The following C12orf42 variants were observed in gnomAD, a reference collection of about 807,000 sequenced individuals.
The protein encoded by C12orf42 is uncharacterized protein C12orf42.
In C12orf42, 25 loss-of-function variants were observed where a neutral mutation model predicts 21.6. That is an observed-to-expected ratio of 1.16 (90% confidence interval 0.84 to 1.62). The LOEUF is 1.62. C12orf42 is among the 40% of genes most tolerant of loss of function. The pLI, the probability that C12orf42 is intolerant of heterozygous loss-of-function variation, is 0.00. For missense variants in C12orf42, 483 were observed against 459.3 expected, an observed-to-expected ratio of 1.05 and a Z score of -0.47; for synonymous variants, 174 against 175.0, an observed-to-expected ratio of 0.99 and a Z score of 0.05.
the C12orf42 span, among the ~76,000 whole-genome samples, chr12:103,089,189 C>T: frequency 6.7e-6 from 1 of 149,928 alleles, no homozygotes; most frequent in Non-Finnish European, 1.5e-5. Flanking sequence ...CTAAACAAAC[C>T]TCAGATGACT....
chr12:103,147,503 C>CTTTTTTTTTTTTTTTTTTTT, the C12orf42 span, among the ~76,000 whole-genome samples: 11 of 99,966 alleles, frequency 1.1e-4, no homozygotes, highest in East Asian at 2.7e-4. Context: ...CTTTTTTTTT[C>CTTTTTTTTTTTTTTTTTTTT]TTTTTTTTTT....
chr12:103,311,252 A>T (rs2038944561), intron 4 of C12orf42, among the ~76,000 whole-genome samples: 1 of 151,988 alleles, frequency 6.6e-6, no homozygotes, highest in Admixed American at 6.6e-5. Flanking sequence ...TTAATAAGCC[A>T]CTAGGTATGA....
intron 4 of C12orf42, among the ~76,000 whole-genome samples, chr12:103,333,751 C>G (rs1001501836): frequency 1.3e-5 from 2 of 152,072 alleles, no homozygotes; most frequent in African/African-American, 2.4e-5. Context: ...AAAAATTTGG[C>G]CTGTAATTCT....
intron 4 of C12orf42, among the ~76,000 whole-genome samples, chr12:103,340,197 G>T (rs1346893002): frequency 6.6e-6 from 1 of 152,144 alleles, no homozygotes; most frequent in Non-Finnish European, 1.5e-5. Flanking sequence ...GCTAAAGAGA[G>T]TGAGTTCTCC....
At chr12:103,405,450 T>C (rs899605309) in intron 2 of C12orf42, among the ~76,000 whole-genome samples, 1 of 151,732 alleles carries the variant, frequency 6.6e-6, no homozygotes, top group Non-Finnish European at 1.5e-5. Context: ...GAGAAGGGGG[T>C]CTTCAGATGA....
At chr12:103,192,046 A>G in the C12orf42 span, among the ~76,000 whole-genome samples, 1 of 152,188 alleles carries the variant, frequency 6.6e-6, no homozygotes, top group Non-Finnish European at 1.5e-5. Context: ...TGATAAAGTA[A>G]GACAGCAGGA....
chr12:103,521,527 T>A, the C12orf42 span, among the ~76,000 whole-genome samples: 4 of 152,132 alleles, frequency 2.6e-5, no homozygotes, highest in East Asian at 7.7e-4. Flanking sequence ...CTGGGGCCTG[T>A]TGGGGTGAGT....
the C12orf42 span, among the ~76,000 whole-genome samples, chr12:103,208,351 C>T: frequency 6.6e-6 from 1 of 152,160 alleles, no homozygotes. Flanking sequence ...TAGATCTCCC[C>T]ACCCACCCAC....
chr12:103,482,603 G>T (rs1954548219), intron 1 of C12orf42, among the ~76,000 whole-genome samples: 1 of 152,000 alleles, frequency 6.6e-6, no homozygotes, highest in Non-Finnish European at 1.5e-5. Context: ...TATGCGTACT[G>T]TCTGTGATTT....
At chr12:103,437,163 C>T (rs1209342667) in intron 2 of C12orf42, among the ~76,000 whole-genome samples, 1 of 151,322 alleles carries the variant, frequency 6.6e-6, no homozygotes, top group Non-Finnish European at 1.5e-5. Context: ...CTACTGGATA[C>T]ATAATGAAAT....
At position 103,408,102 on chromosome 12, in the gene C12orf42, G is replaced by C. The variant is rs561273768; in HGVS notation, c.79-6427C>G. ...ATTTTAGCCTCTTCCTATCCCCTTG[G>C]CTTGGAGTCATGTGTAAGGTATAAC... On this transcript the variant is annotated intron_variant, in intron 2 of 5. Transcript: ENST00000548883. 5.0e-4 allele frequency among the ~76,000 whole-genome samples: 76 copies of C among 152,224 alleles called. 1 individual carries two copies. Among genetic ancestry groups the C allele is most frequent in the Middle Eastern group, 3.4e-3 (1 of 294 alleles).
At chr12:103,250,406 C>A (rs962378171) in intron 10 of C12orf42, among the ~76,000 whole-genome samples, 38 of 152,044 alleles carry the variant, frequency 2.5e-4, no homozygotes, top group African/African-American at 9.2e-4. Context: ...AGCCTTTTCT[C>A]CAACAGCACC....
rs368125241 is a variant in C12orf42 at position 103,393,047 on chromosome 12, A to G, written c.147+8560T>C. On this transcript the variant is annotated intron_variant, in intron 3 of 5. Coordinates refer to ENST00000548883, the MANE Select transcript of C12orf42 (RefSeq NM_198521.5). ...TCTACTCCTCCTGATAATCTTGTAAAGCATCCAAAGTTATTTTTATTTAAT... is the reference window on the plus strand; with the variant it reads ...TCTACTCCTCCTGATAATCTTGTAAGGCATCCAAAGTTATTTTTATTTAAT... Among the ~76,000 whole-genome samples the G allele has an allele frequency of 3.6e-3, 555 of 152,308 alleles. 3 individuals are homozygous for G. The highest frequency in any genetic ancestry group is 0.013 in the African/African-American group (525 of 41,572).
chr12:103,485,589 T>G (rs1188597332), intron 1 of C12orf42, among the ~76,000 whole-genome samples: 1 of 152,230 alleles, frequency 6.6e-6, no homozygotes, highest in Non-Finnish European at 1.5e-5. Context: ...TGATATTGAT[T>G]CTTCCTATCC....
At chr12:103,130,470 C>G in the C12orf42 span, among the ~76,000 whole-genome samples, 1 of 151,820 alleles carries the variant, frequency 6.6e-6, no homozygotes, top group African/African-American at 2.4e-5. Flanking sequence ...TTACAACAGC[C>G]CTTTGAATTG....
chr12:103,136,242 G>A, the C12orf42 span, among the ~76,000 whole-genome samples: 1 of 152,090 alleles, frequency 6.6e-6, no homozygotes, highest in African/African-American at 2.4e-5. Context: ...GCATTTCTAT[G>A]CACCAATAAC....
intron 1 of C12orf42, among the ~76,000 whole-genome samples, chr12:103,482,579 T>A (rs966123979): frequency 6.6e-6 from 1 of 152,140 alleles, no homozygotes; most frequent in East Asian, 1.9e-4. Flanking sequence ...TGAATCTAGA[T>A]GTGAATTGTT....
At chr12:103,070,515 TACACACACAC>T in the C12orf42 span, among the ~76,000 whole-genome samples, 2 of 120,050 alleles carry the variant, frequency 1.7e-5, no homozygotes, top group African/African-American at 5.4e-5. Flanking sequence ...TACATACACA[TACACACACAC>T]ACACACACAC....
intron 4 of C12orf42, among the ~76,000 whole-genome samples, chr12:103,310,576 C>A (rs2038881220): frequency 6.6e-6 from 1 of 152,194 alleles, no homozygotes; most frequent in Non-Finnish European, 1.5e-5. Flanking sequence ...TTGGCCTATG[C>A]CAGCCTTGTA....
Sources: gnomAD v4.1 joint callset for allele counts (sites outside exome capture counted in the v4.1 genomes callset) on GRCh38, gnomAD v4.1.1 for gene constraint, MANE v1.5 for transcripts, NCBI Gene and HGNC (gene_info 2026-07-23, HGNC 2026-07-21) for gene names.